Variants in LEKR1 observed in about 807,000 individuals in gnomAD.
LEKR1 encodes leucine, glutamate and lysine rich 1.
In LEKR1, 59 loss-of-function variants were observed where a neutral mutation model predicts 72.4. That is an observed-to-expected ratio of 0.82 (90% CI 0.66 to 1.01). LEKR1 has a LOEUF of 1.01. Among genes scored for constraint, LEKR1 ranks in the 50% least tolerant of loss-of-function variants. The pLI is 0.00. For missense variants in LEKR1, 728 were observed against 759.2 expected (o/e 0.96, Z 0.48); for synonymous variants, 257 against 263.2 (o/e 0.98, Z 0.23).
At chr3:156,829,084 A>G (rs1360160942) in intron 1 of LEKR1, among the ~76,000 whole-genome samples, 2 of 152,268 alleles carry the variant, frequency 1.3e-5, no homozygotes, top group African/African-American at 2.4e-5. Context: ...AGCAGTCTCT[A>G]TAGTTCTCTC....
At chr3:156,916,664 A>G (rs931692043) in intron 3 of LEKR1, among the ~76,000 whole-genome samples, 4 of 152,156 alleles carry the variant, frequency 2.6e-5, no homozygotes, top group Non-Finnish European at 5.9e-5. Flanking sequence ...GGCTGAGACT[A>G]TGGAGTTTTC....
chr3:156,863,425 C>T (rs1477809118), intron 3 of LEKR1, among the ~76,000 whole-genome samples: 1 of 152,028 alleles, frequency 6.6e-6, no homozygotes, highest in African/African-American at 2.4e-5. Flanking sequence ...GCCTCACTTA[C>T]CATAACGCCT....
At chr3:156,976,915 C>T (rs1180597756) in intron 6 of LEKR1, among the ~76,000 whole-genome samples, 2 of 152,122 alleles carry the variant, frequency 1.3e-5, no homozygotes, top group Admixed American at 6.6e-5. Context: ...AAGTATGGGT[C>T]ATCTACTCTA....
chr3:156,884,543 T>C (rs1057341020), intron 3 of LEKR1, among the ~76,000 whole-genome samples: 2 of 152,216 alleles, frequency 1.3e-5, no homozygotes, highest in Admixed American at 6.5e-5. Context: ...TATGAAGCCT[T>C]GTTTTCCTGA....
At chr3:156,853,851 T>TAAA (rs1357038021) in intron 3 of LEKR1, among the ~76,000 whole-genome samples, 1 of 152,128 alleles carries the variant, frequency 6.6e-6, no homozygotes, top group Non-Finnish European at 1.5e-5. Context: ...TGGAAAAGCT[T>TAAA]AAAAATTTGA....
At chr3:157,038,827 C>T (rs894360773) in intron 12 of LEKR1, among the ~76,000 whole-genome samples, 2 of 152,158 alleles carry the variant, frequency 1.3e-5, no homozygotes, top group African/African-American at 4.8e-5. Context: ...CATGCAATGA[C>T]ATTAATACTT....
intron 3 of LEKR1, among the ~76,000 whole-genome samples, chr3:156,893,017 A>G (rs1229579346): frequency 6.6e-6 from 1 of 152,164 alleles, no homozygotes; most frequent in Non-Finnish European, 1.5e-5. Flanking sequence ...GGAGCCTTGT[A>G]AGGTCAGGAT....
chr3:156,956,608 A>G (rs928873581), intron 6 of LEKR1, among the ~76,000 whole-genome samples: 1 of 152,096 alleles, frequency 6.6e-6, no homozygotes, highest in African/African-American at 2.4e-5. Flanking sequence ...CTAGCACACA[A>G]TAAAAATATA....
chr3:156,868,006 A>G (rs981461521), intron 3 of LEKR1, among the ~76,000 whole-genome samples: 2 of 152,106 alleles, frequency 1.3e-5, no homozygotes, highest in African/African-American at 4.8e-5. Context: ...ATGTCAAGAA[A>G]GGAGAAATGG....
intron 11 of LEKR1, 53 bp from the exon 12 acceptor site, chr3:157,028,050 T>G (rs559481584): frequency 1.7e-6 from 2 of 1,196,760 alleles, no homozygotes; most frequent in African/African-American, 3.1e-5. Context: ...ATAAGAATTC[T>G]GTGGTTACCT....
At chr3:156,938,653 C>G (rs1422482395) in intron 5 of LEKR1, among the ~76,000 whole-genome samples, 3 of 152,172 alleles carry the variant, frequency 2.0e-5, no homozygotes, top group African/African-American at 7.2e-5. Context: ...GGATTACAGG[C>G]GTGAGCCACC....
chr3:156,903,816 C>G (rs1224313602), intron 3 of LEKR1, among the ~76,000 whole-genome samples: 4 of 152,172 alleles, frequency 2.6e-5, no homozygotes, highest in Non-Finnish European at 4.4e-5. Context: ...ATTGTTTTCT[C>G]TAGTCCCAAG....
chr3:156,909,745 C>T (rs528267363), intron 3 of LEKR1, among the ~76,000 whole-genome samples: 77 of 151,032 alleles, frequency 5.1e-4, no homozygotes, highest in African/African-American at 1.4e-3. Flanking sequence ...AGTATTAATA[C>T]ATCCCATTAT....
At chr3:156,920,322 A>G (rs1387282424) in intron 3 of LEKR1, among the ~76,000 whole-genome samples, 5 of 152,174 alleles carry the variant, frequency 3.3e-5, no homozygotes, top group African/African-American at 1.2e-4. Flanking sequence ...ATACAACAGA[A>G]TATAGATAAA....
chr3:156,873,329 G>A (rs1718184057), intron 3 of LEKR1, among the ~76,000 whole-genome samples: 1 of 151,784 alleles, frequency 6.6e-6, no homozygotes, highest in South Asian at 2.1e-4. Context: ...TGATTTTCTG[G>A]TAAGCAGCAT....
intron 3 of LEKR1, among the ~76,000 whole-genome samples, chr3:156,869,632 G>A (rs73025844): frequency 6.6e-6 from 1 of 151,720 alleles, no homozygotes; most frequent in East Asian, 1.9e-4. Context: ...ATGGATTGCA[G>A]GTATTTTCTC....
chr3:156,952,141 TC>T (rs1249101294), intron 6 of LEKR1, among the ~76,000 whole-genome samples: 2 of 151,438 alleles, frequency 1.3e-5, no homozygotes, highest in Non-Finnish European at 3.0e-5. Flanking sequence ...AAAGATACAC[TC>T]TTGCATTCTT....
Position 156,942,528 on chromosome 3 carries a change from GA to G in LEKR1, c.562del (p.Ile188Ter). 8.9e-7 allele frequency: 1 copy of G among 1,126,792 alleles called. No individual in the cohort carries two copies. Among genetic ancestry groups the G allele is most frequent in the Non-Finnish European group, 1.2e-6 (1 of 861,470 alleles). The allele number at this position is 1,126,792 out of a possible 1,614,324, so 69.8% of individuals were successfully genotyped here. ...TTGTAAACTTTGAATTCTTCTTACA[GA>G]AATAGACATACTGAATAAAAGTTTG... ...IKSISETALT[E>X]IDILNKSLTV... On this transcript the variant is annotated frameshift_variant and splice_region_variant, in exon 6 of 13. Transcript: ENST00000356539. LOFTEE classifies it high-confidence loss of function.
At chr3:156,887,958 A>T (rs1403436603) in intron 3 of LEKR1, among the ~76,000 whole-genome samples, 1 of 152,242 alleles carries the variant, frequency 6.6e-6, no homozygotes, top group Non-Finnish European at 1.5e-5. Context: ...AACTCAAGAT[A>T]GTTGACCATC....
Sources: allele counts gnomAD v4.1 joint callset (sites outside exome capture counted in the v4.1 genomes callset), GRCh38; gene constraint gnomAD v4.1.1; transcripts MANE v1.5; gene names NCBI Gene and HGNC (gene_info 2026-07-23, HGNC 2026-07-21).